Variants in FAM174A observed in about 807,000 individuals in gnomAD.
FAM174A encodes the protein family with sequence similarity 174 member A.
In FAM174A, 14 loss-of-function variants were observed where a neutral mutation model predicts 14.3. That is an observed-to-expected ratio of 0.98 (90% CI 0.65 to 1.53). The LOEUF is 1.53. Among genes scored for constraint, FAM174A ranks in the 40% most tolerant of loss-of-function variants. The pLI, the probability that FAM174A is intolerant of heterozygous loss-of-function variation, is 0.00. For synonymous variants in FAM174A, 108 were observed against 111.4 expected (o/e 0.97, Z 0.19); for missense variants, 241 against 249.6 (o/e 0.97, Z 0.23).
In FAM174A at chr5:100,555,803, G is replaced by GT. The variant is rs200041245; in HGVS notation, c.435-6244dup. Among the ~76,000 whole-genome samples, 124 of 150,734 alleles carry GT rather than the reference G, an allele frequency of 8.2e-4. 1 individual carries two copies. The East Asian group carries it at 0.023, about 27-fold the overall frequency. On this transcript the variant is annotated intron_variant, in intron 1 of 2. Transcript: ENST00000312637. Reference sequence around the variant, plus strand: ...GTTTTTTTCTTTGAGTTTTCTTTGAGTTTTTTTCTTTTGAGTTCATTGTGG... The same window carrying GT: ...GTTTTTTTCTTTGAGTTTTCTTTGAGTTTTTTTTCTTTTGAGTTCATTGTGG...
chr5:100,544,681 A>G (rs1485352289), intron 1 of FAM174A, among the ~76,000 whole-genome samples: 1 of 152,118 alleles, frequency 6.6e-6, no homozygotes, highest in African/African-American at 2.4e-5. Context: ...AGTTTTTTTA[A>G]CAGGTGTATA....
intron 1 of FAM174A, among the ~76,000 whole-genome samples, chr5:100,538,836 A>G (rs1745992342): frequency 6.6e-6 from 1 of 150,938 alleles, no homozygotes; most frequent in African/African-American, 2.4e-5. Flanking sequence ...TCAGTAGGAC[A>G]TTCTCTCCAC....
intron 1 of FAM174A, among the ~76,000 whole-genome samples, chr5:100,538,792 G>C (rs925337483): frequency 2.0e-5 from 3 of 150,992 alleles, no homozygotes; most frequent in Non-Finnish European, 4.4e-5. Context: ...AAAGAACTGC[G>C]AAGATCTCAA....
chr5:100,558,076 G>C (rs1746434351), intron 1 of FAM174A, among the ~76,000 whole-genome samples: 1 of 152,084 alleles, frequency 6.6e-6, no homozygotes, highest in African/African-American at 2.4e-5. Flanking sequence ...TGGGCATTTA[G>C]TGCTATAAAT....
At position 100,552,484 on chromosome 5, in the gene FAM174A, A is replaced by G. The variant is rs183685604; in HGVS notation, c.435-9570A>G. Among the ~76,000 whole-genome samples, 17 of 150,248 alleles carry G rather than the reference A, an allele frequency of 1.1e-4. No individual in the cohort carries two copies. In the East Asian group the frequency reaches 3.1e-3, roughly 27 times the overall value. On this transcript the variant is annotated intron_variant, in intron 1 of 2. Coordinates refer to ENST00000312637, the MANE Select transcript of FAM174A (RefSeq NM_198507.3). ...ACAGATGCTTAGTTAAAAAAAAAAG[A>G]AGAAGAGAAAAAATCAAATCAGGTA...
intron 2 of FAM174A, among the ~76,000 whole-genome samples, chr5:100,575,003 G>A (rs1746872180): frequency 6.6e-6 from 1 of 152,032 alleles, no homozygotes; most frequent in African/African-American, 2.4e-5. Flanking sequence ...AGAAAACTGA[G>A]GCTTAGTTCA....
rs374506636 is a variant in FAM174A at position 100,564,337 on chromosome 5, A to C, written c.569+2149A>C. On this transcript the variant is annotated intron_variant, in intron 2 of 2. Coordinates refer to ENST00000312637, the MANE Select transcript of FAM174A (RefSeq NM_198507.3). Reference sequence around the variant, plus strand: ...GGAATTTTAAGAGCTATTTTGAGACAAAAAAAAAATGGCATAACAAAACTT... The same window carrying C: ...GGAATTTTAAGAGCTATTTTGAGACCAAAAAAAAATGGCATAACAAAACTT... 5.5e-3 allele frequency among the ~76,000 whole-genome samples: 505 copies of C among 91,502 alleles called. 1 individual carries two copies. The highest frequency in any genetic ancestry group is 0.035 in the Middle Eastern group (5 of 144). 60.0% of individuals were successfully genotyped at this position (91,502 alleles called of 152,430 possible).
chr5:100,559,893 A>G (rs1036843702), intron 1 of FAM174A, among the ~76,000 whole-genome samples: 1 of 151,726 alleles, frequency 6.6e-6, no homozygotes, highest in African/African-American at 2.4e-5. Flanking sequence ...ATGGGTTCGA[A>G]CTTCCTCCTT....
At chr5:100,563,087 C>T (rs1746561211) in intron 2 of FAM174A, among the ~76,000 whole-genome samples, 1 of 151,688 alleles carries the variant, frequency 6.6e-6, no homozygotes, top group Admixed American at 6.6e-5. Flanking sequence ...TATGTCTATC[C>T]ATCTATCTAT....
At chr5:100,536,820 T>A (rs535451619) in intron 1 of FAM174A, among the ~76,000 whole-genome samples, 98 of 152,354 alleles carry the variant, frequency 6.4e-4, no homozygotes, top group African/African-American at 2.3e-3. Context: ...AGCAAAAGTT[T>A]CCTTTTAAAC....
At chr5:100,548,827 A>T (rs1385911820) in intron 1 of FAM174A, among the ~76,000 whole-genome samples, 1 of 152,084 alleles carries the variant, frequency 6.6e-6, no homozygotes, top group Non-Finnish European at 1.5e-5. Flanking sequence ...TCAAATTACA[A>T]TTTATCTGAG....
At chr5:100,537,151 T>C (rs939125774) in intron 1 of FAM174A, among the ~76,000 whole-genome samples, 1 of 152,212 alleles carries the variant, frequency 6.6e-6, no homozygotes, top group African/African-American at 2.4e-5. Context: ...AATGTTTCTT[T>C]CCATTCCAAG....
chr5:100,543,601 T>G (rs1746108257), intron 1 of FAM174A, among the ~76,000 whole-genome samples: 2 of 151,996 alleles, frequency 1.3e-5, no homozygotes, highest in South Asian at 4.1e-4. Flanking sequence ...GATTTTTTGG[T>G]GTTTTTGACA....
chr5:100,550,732 A>G (rs188437129), intron 1 of FAM174A, among the ~76,000 whole-genome samples: 8 of 152,316 alleles, frequency 5.3e-5, no homozygotes, highest in African/African-American at 1.9e-4. Context: ...GTTAGGTAGA[A>G]CAGAAAAGGG....
chr5:100,564,336 C>CAA (rs35523732), intron 2 of FAM174A, among the ~76,000 whole-genome samples: 51 of 145,668 alleles, frequency 3.5e-4, no homozygotes, highest in Admixed American at 7.5e-4. Flanking sequence ...TATTTTGAGA[C>CAA]AAAAAAAAAA....
intron 2 of FAM174A, among the ~76,000 whole-genome samples, chr5:100,581,144 G>C (rs2032492532): frequency 6.6e-6 from 1 of 152,038 alleles, no homozygotes. Context: ...TGGCCAGGCT[G>C]GTCTCGAACT....
chr5:100,586,280 G>A lies in FAM174A; in HGVS notation c.*96G>A. On this transcript the variant is annotated 3_prime_UTR_variant, in exon 3 of 3. Coordinates refer to ENST00000312637, the MANE Select transcript of FAM174A (RefSeq NM_198507.3). ...AGAAGCCACTATATCAATGTTGGGG[G>A]GGTATTTAAGTTACATATATTTTAA... The A allele has an allele frequency of 3.9e-6, 3 of 778,418 alleles. No homozygotes were observed. The highest frequency in any genetic ancestry group is 6.2e-6 in the Non-Finnish European group (3 of 487,330). 48.2% of individuals were successfully genotyped at this position (778,418 alleles called of 1,614,324 possible).
At chr5:100,560,486 C>A (rs142891613) in intron 1 of FAM174A, among the ~76,000 whole-genome samples, 12 of 151,978 alleles carry the variant, frequency 7.9e-5, no homozygotes, top group African/African-American at 2.9e-4. Context: ...TCACTTTAGA[C>A]GTGTATATAG....
At chr5:100,551,037 A>T (rs1313348407) in intron 1 of FAM174A, among the ~76,000 whole-genome samples, 1 of 152,182 alleles carries the variant, frequency 6.6e-6, no homozygotes, top group Non-Finnish European at 1.5e-5. Context: ...AAGGTTTTAG[A>T]GAATGAAGGG....
Sources: allele counts gnomAD v4.1 joint callset (sites outside exome capture counted in the v4.1 genomes callset), GRCh38; gene constraint gnomAD v4.1.1; transcripts MANE v1.5; gene names NCBI Gene and HGNC (gene_info 2026-07-23, HGNC 2026-07-21).